Variants in OTULIN observed in about 807,000 individuals in gnomAD.
OTULIN encodes the protein ubiquitin thioesterase otulin.
Under a neutral mutation model 39.6 loss-of-function variants are expected in OTULIN, and 15 were observed. The ratio of observed to expected loss-of-function variants is 0.38; its 90% CI spans 0.25 to 0.58. OTULIN has a LOEUF of 0.58. Among genes scored for constraint, OTULIN ranks in the 20% least tolerant of loss-of-function variants. The pLI, the probability that OTULIN is intolerant of heterozygous loss-of-function variation, is 0.66. For missense variants in OTULIN, 319 were observed against 445.9 expected, an observed-to-expected ratio of 0.72 and a Z score of 2.56; for synonymous variants, 156 against 170.3, an observed-to-expected ratio of 0.92 and a Z score of 0.65.
At chr5:14,676,399 C>T (rs938323105) in intron 2 of OTULIN, among the ~76,000 whole-genome samples, 2 of 152,236 alleles carry the variant, frequency 1.3e-5, no homozygotes, top group Admixed American at 6.5e-5. Context: ...TAGCCTGGTA[C>T]CTGGCATGTA....
chr5:14,692,778 A>T, intron 6 of OTULIN, 76 bp from the exon 7 acceptor site: 1 of 1,314,840 alleles, frequency 7.6e-7, no homozygotes. Flanking sequence ...ACTGTGGGAT[A>T]ATGGATGGAA....
At chr5:14,707,027 G>A in the OTULIN span, 4 of 152,204 alleles carry the variant, frequency 2.6e-5, no homozygotes, top group African/African-American at 9.7e-5. Context: ...GAAAGGTGAG[G>A]AGCAGAACTT....
At chr5:14,704,700 A>G (rs1485387806), downstream of OTULIN, 1 of 152,178 alleles carries the variant, frequency 6.6e-6, no homozygotes, top group Non-Finnish European at 1.5e-5. Context: ...AATTTGATTA[A>G]AAGGGAAACT....
At chr5:14,710,320 T>G in the OTULIN span, 1 of 152,240 alleles carries the variant, frequency 6.6e-6, no homozygotes, top group Non-Finnish European at 1.5e-5. Flanking sequence ...TGACTCGCTC[T>G]AATGCGACCT....
chr5:14,678,191 A>T (rs1736153713), intron 2 of OTULIN, among the ~76,000 whole-genome samples: 1 of 152,250 alleles, frequency 6.6e-6, no homozygotes, highest in Non-Finnish European at 1.5e-5. Context: ...TCTGGAGCAG[A>T]GGCCTGCATG....
chr5:14,687,804 G>A (rs1736423780), intron 5 of OTULIN, 158 bp downstream of exon 5: 1 of 836,664 alleles, frequency 1.2e-6, no homozygotes, highest in African/African-American at 1.7e-5. Flanking sequence ...TTCCCACGAG[G>A]GCTTTAGTAA....
In OTULIN at chr5:14,692,975, T is replaced by C. The variant is rs1464320387; in HGVS notation, c.986T>C (p.Val329Ala). The part of the protein sequence containing the change: ...YPTDPPKDWP[V>A]VTLIAEDDRH... Reference sequence around the variant, plus strand: ...ACCGACCCACCCAAGGACTGGCCAGTGGTAACGCTCATTGCTGAGGACGAT... The same window carrying C: ...ACCGACCCACCCAAGGACTGGCCAGCGGTAACGCTCATTGCTGAGGACGAT... The change falls in exon 7 of 7, where the codon GTG becomes GCG. Residue 329 changes from valine to alanine, a missense_variant. This residue lies in a region of OTULIN where 106 missense variants were observed against 192.8 expected (regional missense o/e 0.55). Coordinates refer to ENST00000284274, the MANE Select transcript of OTULIN (RefSeq NM_138348.6). 1 of 1,613,962 alleles carries C rather than the reference T, an allele frequency of 6.2e-7. No individual in the cohort carries two copies.
At chr5:14,683,875 C>CT (rs1241324946) in intron 4 of OTULIN, among the ~76,000 whole-genome samples, 1,524 of 150,728 alleles carry the variant, frequency 0.01, 25 homozygotes, top group African/African-American at 0.034. Context: ...GTCTCCCCCC[C>CT]TTTTTTTTTG....
the OTULIN span, among the ~76,000 whole-genome samples, chr5:14,713,246 A>G: frequency 6.6e-6 from 1 of 151,950 alleles, no homozygotes; most frequent in Admixed American, 6.5e-5. This position sits in a 1 kb window ranked among gnomAD's most constrained non-coding sequence, Gnocchi z 4.4. Flanking sequence ...CGCAGGGACC[A>G]TGTCCTTCTC....
At chr5:14,681,231 G>T (rs1579968925) in intron 3 of OTULIN, among the ~76,000 whole-genome samples, 2 of 146,194 alleles carry the variant, frequency 1.4e-5, no homozygotes, top group Admixed American at 6.9e-5. Flanking sequence ...CTTTTTTCTT[G>T]CCTTTTTTTT....
chr5:14,700,983 T>C (rs1736785858), downstream of OTULIN, among the ~76,000 whole-genome samples: 1 of 152,166 alleles, frequency 6.6e-6, no homozygotes, highest in Admixed American at 6.5e-5. Flanking sequence ...CTCACTGCCC[T>C]GTTTGGCCCT....
At chr5:14,708,009 A>G in the OTULIN span, 63 of 152,322 alleles carry the variant, frequency 4.1e-4, 1 homozygote, top group African/African-American at 1.5e-3. Context: ...CAAATCCGTC[A>G]ATACTCCCTG....
At chr5:14,701,016 G>A (rs1736786492), downstream of OTULIN, among the ~76,000 whole-genome samples, 1 of 152,150 alleles carries the variant, frequency 6.6e-6, no homozygotes, top group African/African-American at 2.4e-5. Flanking sequence ...CAGGAGGAGG[G>A]AGCCAAGACA....
chr5:14,670,496 G>A (rs1324573464), intron 1 of OTULIN, among the ~76,000 whole-genome samples: 3 of 151,992 alleles, frequency 2.0e-5, no homozygotes, highest in Admixed American at 2.0e-4. Context: ...TCTATTAGAC[G>A]GGTAACTATT....
At position 14,664,737 on chromosome 5, in the gene OTULIN, G is replaced by T. The variant is rs1479456433; in HGVS notation, c.-89G>T. On this transcript the variant is annotated 5_prime_UTR_variant, in exon 1 of 7. Coordinates refer to ENST00000284274, the MANE Select transcript of OTULIN (RefSeq NM_138348.6). ...GCCCTCGGAAACCGCCCCGGCGGCT[G>T]AGAGGCTGCGGCCACTGCCTGGCAC... 8 of 1,078,972 alleles carry T rather than the reference G, an allele frequency of 7.4e-6. No individual in the cohort carries two copies. In the African/African-American group the frequency reaches 1.0e-4, roughly 14 times the overall value. The allele number at this position is 1,078,972 out of a possible 1,614,324, so 66.8% of individuals were successfully genotyped here. A position where few individuals can be genotyped will look rare whatever the true frequency, so the allele number is the denominator to read the frequency against.
downstream of OTULIN, among the ~76,000 whole-genome samples, chr5:14,703,539 A>G (rs545722771): frequency 2.0e-4 from 31 of 152,152 alleles, no homozygotes; most frequent in East Asian, 2.5e-3. Context: ...GGAGGTTTCC[A>G]GGTGGGAGGT....
chr5:14,669,526 C>T (rs1209067591), intron 1 of OTULIN, among the ~76,000 whole-genome samples: 1 of 152,178 alleles, frequency 6.6e-6, no homozygotes, highest in Non-Finnish European at 1.5e-5. Context: ...AATCCCAGCT[C>T]TTTGGGAGAT....
the OTULIN span, among the ~76,000 whole-genome samples, chr5:14,714,849 A>G: frequency 6.6e-6 from 1 of 152,240 alleles, no homozygotes; most frequent in African/African-American, 2.4e-5. Flanking sequence ...ATACTCAGCT[A>G]TAGCCTGCTC....
the OTULIN span, chr5:14,708,779 C>A: frequency 2.0e-5 from 3 of 152,198 alleles, no homozygotes; most frequent in African/African-American, 7.2e-5. Context: ...CTCAGAAACT[C>A]TAACCAAATA....
Sources: allele counts gnomAD v4.1 joint callset (sites outside exome capture counted in the v4.1 genomes callset), GRCh38; gene constraint gnomAD v4.1.1; regional missense constraint gnomAD v4.1.1; non-coding constraint Gnocchi (gnomAD v3.1); transcripts MANE v1.5; gene names NCBI Gene and HGNC (gene_info 2026-07-23, HGNC 2026-07-21).